SLC25A38: variants seen among roughly 807,000 people sequenced by gnomAD.
SLC25A38 encodes solute carrier family 25 member 38.
In SLC25A38, 27 loss-of-function variants were observed where a neutral mutation model predicts 33.4. The ratio of observed to expected loss-of-function variants is 0.81; its 90% CI spans 0.60 to 1.11. The LOEUF (loss-of-function observed/expected upper bound fraction) is 1.11. SLC25A38 is among the 50% of genes most tolerant of loss of function. The probability of loss-of-function intolerance (pLI) is 0.00; values close to 1 mark genes in which losing one functional copy is unlikely to be tolerated. For missense variants in SLC25A38, 344 were observed against 388.8 expected (o/e 0.88, Z 0.97); for synonymous variants, 123 against 145.9 (o/e 0.84, Z 1.13).
chr3:39,384,846 G>A (rs1304157963), intron 1 of SLC25A38: 3 of 384,544 alleles, frequency 7.8e-6, no homozygotes, highest in Admixed American at 4.6e-5. Flanking sequence ...TGTCGCCCGC[G>A]CTGGAGTGCA....
chr3:39,384,006 G>A (rs2041677831), intron 1 of SLC25A38, among the ~76,000 whole-genome samples: 1 of 152,220 alleles, frequency 6.6e-6, no homozygotes, highest in African/African-American at 2.4e-5. Flanking sequence ...CTGGGGGCAG[G>A]CGCTGTAGGG....
Position 39,396,732 on chromosome 3 carries a change from T to A in SLC25A38, c.*212T>A, listed in dbSNP as rs72867427. On this transcript the variant is annotated 3_prime_UTR_variant, in exon 7 of 7. Transcript: ENST00000650617. ...CTCCAAAAGAGGAGTCATCAATTCATAGAGCACACTAGGGTGTTAGGAGAG... is the reference window on the plus strand; with the variant it reads ...CTCCAAAAGAGGAGTCATCAATTCAAAGAGCACACTAGGGTGTTAGGAGAG... 1.4e-6 allele frequency: 1 copy of A among 699,346 alleles called. No individual in the cohort carries two copies. The highest frequency in any genetic ancestry group is 2.4e-6 in the Non-Finnish European group (1 of 411,874). 43.3% of individuals were successfully genotyped at this position (699,346 alleles called of 1,614,324 possible).
At chr3:39,396,071 G>A (rs912067541) in intron 6 of SLC25A38, among the ~76,000 whole-genome samples, 4 of 152,128 alleles carry the variant, frequency 2.6e-5, no homozygotes, top group East Asian at 1.9e-4. Context: ...TTAGCCGGGC[G>A]TGGTGGTGGG....
At chr3:39,393,715 T>C (rs2041799964) in intron 5 of SLC25A38, among the ~76,000 whole-genome samples, 1 of 152,166 alleles carries the variant, frequency 6.6e-6, no homozygotes, top group African/African-American at 2.4e-5. Context: ...CCCAGGCTGG[T>C]CTTGAACTCC....
At chr3:39,393,363 T>C (rs1377029658) in intron 5 of SLC25A38, among the ~76,000 whole-genome samples, 1 of 152,144 alleles carries the variant, frequency 6.6e-6, no homozygotes, top group Non-Finnish European at 1.5e-5. Context: ...ACAATGTACA[T>C]ATTTTTTTCC....
At chr3:39,383,932 G>C in intron 1 of SLC25A38, 139 bp downstream of exon 1, 1 of 970,066 alleles carries the variant, frequency 1.0e-6, no homozygotes, top group Non-Finnish European at 1.6e-6. Context: ...CGGGAGAGGA[G>C]TCTGACTAAG....
chr3:39,385,637 G>A (rs1237826580), intron 1 of SLC25A38, among the ~76,000 whole-genome samples: 2 of 152,176 alleles, frequency 1.3e-5, no homozygotes, highest in African/African-American at 4.8e-5. Context: ...CAAAGGGAGA[G>A]CATAAGGTTT....
intron 1 of SLC25A38, among the ~76,000 whole-genome samples, chr3:39,388,048 C>T (rs2041723872): frequency 6.6e-6 from 1 of 151,930 alleles, no homozygotes; most frequent in African/African-American, 2.4e-5. Flanking sequence ...TGCTTTGGAG[C>T]CTGTTGCCTG....
chr3:39,391,489 T>C lies in SLC25A38; in HGVS notation c.325T>C (p.Tyr109His), dbSNP rs2041766268. The C allele has an allele frequency of 4.3e-6, 7 of 1,614,232 alleles. No homozygotes were observed. Among genetic ancestry groups the C allele is most frequent in the Non-Finnish European group, 5.1e-6 (6 of 1,180,048 alleles). The change falls in exon 4 of 7, where the codon TAC becomes CAC. Residue 109 changes from tyrosine to histidine, a missense_variant. Coordinates refer to ENST00000650617, the MANE Select transcript of SLC25A38 (RefSeq NM_017875.4). ...PGVGIYFGTL[Y>H]SLKQYFLRGH... ...CGTTGGAATCTACTTTGGCACTCTC[T>C]ACTCTTTGAAGCAGTATTTCTTGCG...
At chr3:39,385,922 G>A (rs2125574580) in intron 1 of SLC25A38, among the ~76,000 whole-genome samples, 1 of 152,316 alleles carries the variant, frequency 6.6e-6, no homozygotes, top group South Asian at 2.1e-4. Flanking sequence ...GTAAGGCGGA[G>A]TCCTCCAGTA....
rs2041736290 is a variant in SLC25A38 at position 39,389,440 on chromosome 3, A to G, written c.70-55A>G. The G allele has an allele frequency of 2.5e-6, 4 of 1,614,028 alleles. 1 individual carries two copies. In the East Asian group the frequency reaches 8.9e-5, roughly 36 times the overall value. ...AGGAATTTGCTGGTCAGGTATAGAGAAAGGTGAGGCTCACACAGGCAGAGC... is the reference window on the plus strand; with the variant it reads ...AGGAATTTGCTGGTCAGGTATAGAGGAAGGTGAGGCTCACACAGGCAGAGC... On this transcript the variant is annotated intron_variant, in intron 1 of 6. Coordinates refer to ENST00000650617, the MANE Select transcript of SLC25A38 (RefSeq NM_017875.4). This position sits in a 1 kb window ranked among gnomAD's most constrained non-coding sequence, Gnocchi z 4.5.
At chr3:39,383,869 G>T in intron 1 of SLC25A38, 76 bp downstream of exon 1, 2 of 1,540,412 alleles carry the variant, frequency 1.3e-6, no homozygotes, top group Non-Finnish European at 1.8e-6. Flanking sequence ...GCGTTGCTAA[G>T]GCTCGGCTAC....
chr3:39,391,973 G>A lies in SLC25A38; in HGVS notation c.577G>A (p.Gly193Arg), dbSNP rs199570946. The change falls in exon 5 of 7, where the codon GGA becomes AGA. Residue 193 changes from glycine to arginine, a missense_variant. This residue lies in a region of SLC25A38 where 269 missense variants were observed against 271.8 expected (regional missense o/e 0.99). Coordinates refer to ENST00000650617, the MANE Select transcript of SLC25A38 (RefSeq NM_017875.4). ...ATLLRDAPFS[G>R]IYLMFYNQTK... ...TCTCCTTCGAGATGCGCCCTTCTCA[G>A]GAATCTACCTGATGTTTTACAACCA... The A allele has an allele frequency of 4.2e-5, 68 of 1,614,078 alleles. No individual in the cohort carries two copies. Among genetic ancestry groups the A allele is most frequent in the Non-Finnish European group, 1.5e-5 (18 of 1,180,046 alleles).
Position 39,391,943 on chromosome 3 carries a change from G to T in SLC25A38, c.547G>T (p.Ala183Ser). 2.5e-6 allele frequency: 4 copies of T among 1,614,210 alleles called. No individual in the cohort carries two copies. Among genetic ancestry groups the T allele is most frequent in the Non-Finnish European group, 3.4e-6 (4 of 1,180,030 alleles). Residue 183 changes from alanine (A) to serine (S), a missense_variant, in exon 5 of 7, where the codon GCA (alanine) becomes TCA (serine). Ala to Ser is a moderately conservative substitution (Grantham distance 99, BLOSUM62 1). Coordinates refer to ENST00000650617, the MANE Select transcript of SLC25A38 (RefSeq NM_017875.4). ...CCGGGGCCTCTTCAGTGGCCTGACA[G>T]CAACTCTCCTTCGAGATGCGCCCTT... ...GHRGLFSGLT[A>S]TLLRDAPFSG...
rs758317204 is a variant in SLC25A38 at position 39,391,620 on chromosome 3, G to A, written c.456G>A (p.Glu152=). The A allele has an allele frequency of 6.2e-7, 1 of 1,614,062 alleles. No homozygotes were observed. The highest frequency in any genetic ancestry group is 8.5e-7 in the Non-Finnish European group (1 of 1,180,038). ...TCACTGTAATCAAGACGCGCTATGA[G>A]GTGAGTTCAACCACTTTAGGGCCTC... ...SPITVIKTRY[E]SGKYGYESIY... The change falls in exon 4 of 7, where the codon GAG becomes GAA. Residue 152 remains glutamate (E), a splice_region_variant and synonymous_variant. Coordinates refer to ENST00000650617, the MANE Select transcript of SLC25A38 (RefSeq NM_017875.4).
At position 39,391,425 on chromosome 3, in the gene SLC25A38, C is replaced by G; in HGVS notation, c.277-16C>G. 1 of 1,612,798 alleles carries G rather than the reference C, an allele frequency of 6.2e-7. No homozygotes were observed. The highest frequency in any genetic ancestry group is 8.5e-7 in the Non-Finnish European group (1 of 1,179,970). Reference sequence around the variant, plus strand: ...TTTGGTCTTTGATTTTCTTTTCTCCCTGACCTTCTCTGCAGTCCATTGTGA... The same window carrying G: ...TTTGGTCTTTGATTTTCTTTTCTCCGTGACCTTCTCTGCAGTCCATTGTGA... On this transcript the variant is annotated splice_polypyrimidine_tract_variant and intron_variant, in intron 3 of 6. Coordinates refer to ENST00000650617, the MANE Select transcript of SLC25A38 (RefSeq NM_017875.4).
chr3:39,393,756 C>T (rs534412696), intron 5 of SLC25A38, among the ~76,000 whole-genome samples: 1 of 152,340 alleles, frequency 6.6e-6, no homozygotes, highest in South Asian at 2.1e-4. Context: ...GCCTCGGCCT[C>T]CGAAAGTGTT....
At chr3:39,394,278 A>G in intron 5 of SLC25A38, 132 bp from the exon 6 acceptor site, 1 of 1,141,654 alleles carries the variant, frequency 8.8e-7, no homozygotes, top group Non-Finnish European at 1.3e-6. Context: ...TGCACCTTTA[A>G]GTTTTGAATT....
chr3:39,384,478 G>C, intron 1 of SLC25A38: 1 of 385,066 alleles, frequency 2.6e-6, no homozygotes, highest in African/African-American at 2.1e-5. Context: ...CTCTCCCTCT[G>C]AGGTCTTGCG....
Sources: allele counts gnomAD v4.1 joint callset (sites outside exome capture counted in the v4.1 genomes callset), GRCh38; gene constraint gnomAD v4.1.1; regional missense constraint gnomAD v4.1.1; non-coding constraint Gnocchi (gnomAD v3.1); transcripts MANE v1.5; gene names NCBI Gene and HGNC (gene_info 2026-07-23, HGNC 2026-07-21).